ALK: variants seen among roughly 807,000 people sequenced by gnomAD.
ALK encodes the protein ALK tyrosine kinase receptor.
ALK carries 74 observed loss-of-function variants against 163.1 expected under a neutral mutation model. That is an observed-to-expected ratio of 0.45 (90% confidence interval 0.38 to 0.55). The LOEUF (loss-of-function observed/expected upper bound fraction) is 0.55, where lower values mean the gene tolerates loss of function less well. Among genes scored for constraint, ALK ranks in the 20% least tolerant of loss-of-function variants. ALK has a pLI of 0.00. For synonymous variants in ALK, 960 were observed against 843.2 expected (o/e 1.14, Z -2.40); for missense variants, 2,063 against 2,105.3 (o/e 0.98, Z 0.39).
intron 23 of ALK, among the ~76,000 whole-genome samples, chr2:29,217,688 C>T (rs1403985392): frequency 6.6e-6 from 1 of 152,128 alleles, no homozygotes; most frequent in Admixed American, 6.5e-5. Flanking sequence ...ACAGAGCTGG[C>T]AGGAAGTGAG....
rs1322423122 is a variant in ALK at position 29,318,408 on chromosome 2, G to A, written c.1547-4C>T. ...GTACTGAGCAATAGAGCATGGTCTAGGAGAGAGGAAAAGAATCACAAGCAC... is the reference window on the plus strand; with the variant it reads ...GTACTGAGCAATAGAGCATGGTCTAAGAGAGAGGAAAAGAATCACAAGCAC... On this transcript the variant is annotated splice_region_variant and splice_polypyrimidine_tract_variant and intron_variant, in intron 7 of 28. Coordinates refer to ENST00000389048, the MANE Select transcript of ALK (RefSeq NM_004304.5). 2 of 1,605,300 alleles carry A rather than the reference G, an allele frequency of 1.2e-6. No individual in the cohort carries two copies. The highest frequency in any genetic ancestry group is 8.5e-7 in the Non-Finnish European group (1 of 1,171,986).
At chr2:29,499,649 C>T (rs905267898) in intron 4 of ALK, among the ~76,000 whole-genome samples, 9 of 152,126 alleles carry the variant, frequency 5.9e-5, no homozygotes, top group Admixed American at 5.2e-4. Context: ...ATCATTATTG[C>T]TCAGGCTGAA....
chr2:29,428,539 A>G (rs1670199030), intron 4 of ALK, among the ~76,000 whole-genome samples: 1 of 152,034 alleles, frequency 6.6e-6, no homozygotes, highest in Non-Finnish European at 1.5e-5. Context: ...ACATTCCTAG[A>G]TAGACACAAA....
chr2:29,783,065 AG>A (rs1663881264), intron 1 of ALK, among the ~76,000 whole-genome samples: 1 of 152,218 alleles, frequency 6.6e-6, no homozygotes, highest in Non-Finnish European at 1.5e-5. Flanking sequence ...AGCCAGTGCA[AG>A]GCGTTTGTCA....
intron 4 of ALK, 76 bp downstream of exon 4, chr2:29,531,837 TCA>T: frequency 1.4e-6 from 2 of 1,449,388 alleles, no homozygotes; most frequent in South Asian, 2.3e-5. Context: ...TAAGTAGATG[TCA>T]CAGACTCTGG....
intron 21 of ALK, 25 bp downstream of exon 21, chr2:29,222,491 AG>A (rs1669831146): frequency 6.2e-7 from 1 of 1,613,572 alleles, no homozygotes; most frequent in African/African-American, 1.3e-5. Flanking sequence ...AGCCAAGGGC[AG>A]GCTCAAGAGT....
chr2:29,657,538 CAT>C (rs1453188451), intron 3 of ALK, among the ~76,000 whole-genome samples: 1 of 152,104 alleles, frequency 6.6e-6, no homozygotes, highest in Non-Finnish European at 1.5e-5. Flanking sequence ...GGGATATGGA[CAT>C]AGAGTGATCA....
intron 8 of ALK, among the ~76,000 whole-genome samples, chr2:29,314,205 G>A (rs1055221535): frequency 6.6e-6 from 1 of 152,140 alleles, no homozygotes; most frequent in Admixed American, 6.5e-5. Flanking sequence ...CTTTGAGAAG[G>A]GCTTCAGGGA....
chr2:29,550,902 A>G lies in ALK; in HGVS notation c.953-18786T>C, dbSNP rs186346107. Among the ~76,000 whole-genome samples, 38 of 152,270 alleles carry G rather than the reference A, an allele frequency of 2.5e-4. 1 individual carries two copies. In the East Asian group the frequency reaches 7.3e-3, roughly 29 times the overall value. On this transcript the variant is annotated intron_variant, in intron 3 of 28. Transcript: ENST00000389048. The stretch of plus-strand genomic sequence containing the variant: ...TTATTCTTTCACTTAACATTGTCGT[A>G]AGCATCCTCTATGTTTTTATGTAGG...
At chr2:29,645,095 G>C (rs1676834018) in intron 3 of ALK, among the ~76,000 whole-genome samples, 1 of 152,042 alleles carries the variant, frequency 6.6e-6, no homozygotes, top group Admixed American at 6.6e-5. Context: ...AAAAATAAGA[G>C]CCTTTACTTT....
chr2:29,881,012 C>T (rs1443419731), intron 1 of ALK, among the ~76,000 whole-genome samples: 7 of 152,188 alleles, frequency 4.6e-5, no homozygotes, highest in Admixed American at 3.3e-4. Flanking sequence ...ACTAAGGGGC[C>T]TCACTGTAAT....
At chr2:29,647,780 T>C (rs1443133316) in intron 3 of ALK, among the ~76,000 whole-genome samples, 28 of 146,940 alleles carry the variant, frequency 1.9e-4, no homozygotes, top group African/African-American at 3.6e-4. Flanking sequence ...TTTTTCTTTT[T>C]TTTTTTTTTT....
At chr2:29,320,303 T>G (rs1258480994) in intron 7 of ALK, among the ~76,000 whole-genome samples, 1 of 152,088 alleles carries the variant, frequency 6.6e-6, no homozygotes, top group Admixed American at 6.5e-5. Flanking sequence ...CTGCAGGGAA[T>G]GGACCATGGA....
intron 1 of ALK, among the ~76,000 whole-genome samples, chr2:29,883,975 T>C (rs1268715977): frequency 2.6e-5 from 4 of 152,204 alleles, no homozygotes; most frequent in African/African-American, 9.7e-5. Flanking sequence ...TAAAATGTAT[T>C]AAAACTTATT....
intron 3 of ALK, among the ~76,000 whole-genome samples, chr2:29,680,842 G>GC (rs2148278591): frequency 6.6e-6 from 1 of 152,128 alleles, no homozygotes; most frequent in Admixed American, 6.5e-5. Flanking sequence ...TCTGAAGACT[G>GC]CCATAGGTTC....
intron 1 of ALK, among the ~76,000 whole-genome samples, chr2:29,747,390 T>C (rs938037671): frequency 1.3e-5 from 2 of 152,232 alleles, no homozygotes; most frequent in Non-Finnish European, 2.9e-5. Flanking sequence ...AATAATTGTT[T>C]AATGAATGAA....
At chr2:29,465,709 CA>C (rs1052146934) in intron 4 of ALK, among the ~76,000 whole-genome samples, 2 of 151,486 alleles carry the variant, frequency 1.3e-5, no homozygotes, top group Non-Finnish European at 2.9e-5. Flanking sequence ...AAAACAAAAA[CA>C]AAAAAAGTTA....
chr2:29,689,109 C>A (rs1056005317), intron 3 of ALK, among the ~76,000 whole-genome samples: 3 of 152,080 alleles, frequency 2.0e-5, no homozygotes, highest in Non-Finnish European at 4.4e-5. Flanking sequence ...TCTCCAGAAA[C>A]AGTGGCAAAC....
chr2:29,920,725 G>T lies in ALK; in HGVS notation c.-66C>A. The T allele has an allele frequency of 7.1e-7, 1 of 1,398,798 alleles. No homozygotes were observed. Among genetic ancestry groups the T allele is most frequent in the Non-Finnish European group, 9.8e-7 (1 of 1,025,200 alleles). 86.6% of individuals were successfully genotyped at this position (1,398,798 alleles called of 1,614,324 possible). On this transcript the variant is annotated 5_prime_UTR_variant, in exon 1 of 29. Transcript: ENST00000389048. ...CCTCACCCTTCGCTCTCCCCGAGAT[G>T]GGAAGAGGCTCTGAACAGTCCTTGG...
Sources: allele counts gnomAD v4.1 joint callset (sites outside exome capture counted in the v4.1 genomes callset), GRCh38; gene constraint gnomAD v4.1.1; transcripts MANE v1.5; gene names NCBI Gene and HGNC (gene_info 2026-07-23, HGNC 2026-07-21).